The following ELMO1 variants were observed in gnomAD, a reference collection of about 807,000 sequenced individuals.
ELMO1 encodes the protein engulfment and cell motility 1.
In ELMO1, 26 loss-of-function variants were observed where a neutral mutation model predicts 98.9. The ratio of observed to expected loss-of-function variants is 0.26; its 90% CI spans 0.19 to 0.36. ELMO1 has a LOEUF of 0.36. ELMO1 is among the 10% of genes least tolerant of loss of function. The pLI is 1.00. For synonymous variants in ELMO1, 346 were observed against 346.0 expected (o/e 1.00, Z 0.00); for missense variants, 627 against 935.2 (o/e 0.67, Z 4.30).
At chr7:37,417,660 TCACACACACA>T (rs34297401) in intron 1 of ELMO1, among the ~76,000 whole-genome samples, 1 of 109,628 alleles carries the variant, frequency 9.1e-6, no homozygotes, top group Non-Finnish European at 2.2e-5. Context: ...TAAGACTCCG[TCACACACACA>T]CACACACACA....
At chr7:37,330,943 T>C (rs1038752204) in intron 2 of ELMO1, among the ~76,000 whole-genome samples, 8 of 152,168 alleles carry the variant, frequency 5.3e-5, no homozygotes, top group African/African-American at 1.9e-4. Flanking sequence ...AAATGGCTAC[T>C]AAGTGACTAA....
At chr7:37,157,173 A>G (rs982235515) in intron 13 of ELMO1, among the ~76,000 whole-genome samples, 3 of 152,200 alleles carry the variant, frequency 2.0e-5, no homozygotes, top group Admixed American at 6.5e-5. Flanking sequence ...TCTCAAAATA[A>G]TAAGAGCCAT....
chr7:37,041,966 A>G (rs144232448), intron 15 of ELMO1, among the ~76,000 whole-genome samples: 1 of 152,248 alleles, frequency 6.6e-6, no homozygotes, highest in African/African-American at 2.4e-5. Context: ...GTTTTAGTGT[A>G]TTCTTGACAG....
intron 14 of ELMO1, among the ~76,000 whole-genome samples, chr7:37,130,205 C>CCCA (rs1786815727): frequency 6.6e-6 from 1 of 152,110 alleles, no homozygotes; most frequent in Non-Finnish European, 1.5e-5. Flanking sequence ...CACCCCCCAC[C>CCCA]CCACCACCAC....
At chr7:37,344,287 C>T (rs1053020916) in intron 1 of ELMO1, among the ~76,000 whole-genome samples, 7 of 152,182 alleles carry the variant, frequency 4.6e-5, no homozygotes, top group Non-Finnish European at 7.3e-5. Flanking sequence ...CCTCCCCGGC[C>T]TCCTGAAGTG....
rs536397700 is a variant in ELMO1, at chr7:37,266,350, T to C, written c.243+5482A>G. 2.0e-5 allele frequency among the ~76,000 whole-genome samples: 3 copies of C among 152,308 alleles called. No homozygotes were observed. The South Asian group carries it at 6.2e-4, about 32-fold the overall frequency. On this transcript the variant is annotated intron_variant, in intron 5 of 21. Coordinates refer to ENST00000310758, the MANE Select transcript of ELMO1 (RefSeq NM_014800.11). ...GACTGAGATAATACTATTTTTCTTA[T>C]TGCCAGAGGGAATAAGACCCAAAAA...
intron 13 of ELMO1, among the ~76,000 whole-genome samples, chr7:37,181,020 T>G (rs751708604): frequency 1.3e-5 from 2 of 152,142 alleles, no homozygotes; most frequent in Admixed American, 6.5e-5. Context: ...AGATAGTGGG[T>G]GATTGTGCAA....
At chr7:37,028,703 C>A (rs1794717111) in intron 15 of ELMO1, among the ~76,000 whole-genome samples, 1 of 152,164 alleles carries the variant, frequency 6.6e-6, no homozygotes, top group African/African-American at 2.4e-5. Flanking sequence ...CCGCCTCAGC[C>A]TCCCAAGTAC....
At chr7:37,302,635 T>C (rs1273890384) in intron 4 of ELMO1, among the ~76,000 whole-genome samples, 1 of 152,104 alleles carries the variant, frequency 6.6e-6, no homozygotes, top group Non-Finnish European at 1.5e-5. Context: ...CAGCTATTCA[T>C]GTCTTCCCAG....
At chr7:37,384,903 C>T (rs1252078932) in intron 1 of ELMO1, among the ~76,000 whole-genome samples, 2 of 152,172 alleles carry the variant, frequency 1.3e-5, no homozygotes, top group Non-Finnish European at 2.9e-5. Context: ...CACACGAATT[C>T]GTTTGAGCTT....
intron 16 of ELMO1, among the ~76,000 whole-genome samples, chr7:37,007,284 T>G (rs1793206047): frequency 6.6e-6 from 1 of 152,162 alleles, no homozygotes; most frequent in South Asian, 2.1e-4. Flanking sequence ...ACTCAAATAT[T>G]CATGTTTCAA....
intron 4 of ELMO1, among the ~76,000 whole-genome samples, chr7:37,276,991 G>A (rs902631485): frequency 6.6e-6 from 1 of 152,154 alleles, no homozygotes; most frequent in African/African-American, 2.4e-5. Flanking sequence ...TCACCCCTAG[G>A]ATGTCACCTC....
chr7:36,871,572 T>C (rs1356001056), intron 19 of ELMO1, among the ~76,000 whole-genome samples: 2 of 152,220 alleles, frequency 1.3e-5, no homozygotes, highest in African/African-American at 4.8e-5. Context: ...ATTTGGGATG[T>C]GTGAGAATGC....
intron 13 of ELMO1, among the ~76,000 whole-genome samples, chr7:37,149,512 T>C (rs995336938): frequency 2.0e-4 from 30 of 152,348 alleles, no homozygotes; most frequent in Non-Finnish European, 3.4e-4. Context: ...AAATCTGTGA[T>C]GTGAAAATGA....
chr7:37,293,581 C>T (rs566502619), intron 4 of ELMO1, among the ~76,000 whole-genome samples: 7,027 of 110,566 alleles, frequency 0.064, 265 homozygotes, highest in South Asian at 0.13. Flanking sequence ...ACAAACACTG[C>T]GGAAGGCCGC....
In ELMO1 at chr7:37,398,225, A is replaced by C. The variant is rs553315471; in HGVS notation, c.-74+50450T>G. On this transcript the variant is annotated intron_variant, in intron 1 of 21. Coordinates refer to ENST00000310758, the MANE Select transcript of ELMO1 (RefSeq NM_014800.11). ...ACATTTCATTATGACTGTTGTGAGA[A>C]TTAAAAGAGCTCACAGAGCTCTAGC... Among the ~76,000 whole-genome samples, 3 of 152,344 alleles carry C rather than the reference A, an allele frequency of 2.0e-5. No individual in the cohort carries two copies. In the South Asian group the frequency reaches 6.2e-4, roughly 32 times the overall value.
chr7:36,885,482 T>G (rs1203237539), intron 18 of ELMO1, among the ~76,000 whole-genome samples: 2 of 152,208 alleles, frequency 1.3e-5, no homozygotes, highest in African/African-American at 4.8e-5. Flanking sequence ...GGAGCTAGGT[T>G]GTGAGGGACT....
At chr7:37,416,332 C>T (rs765349583) in intron 1 of ELMO1, among the ~76,000 whole-genome samples, 29 of 152,200 alleles carry the variant, frequency 1.9e-4, no homozygotes, top group Non-Finnish European at 4.1e-4. Flanking sequence ...ATTTTATATA[C>T]ACATATATTT....
intron 1 of ELMO1, among the ~76,000 whole-genome samples, chr7:37,395,747 G>T (rs1363973473): frequency 2.6e-5 from 4 of 151,916 alleles, no homozygotes; most frequent in Admixed American, 2.0e-4. Flanking sequence ...AAGCACCTCT[G>T]TTACTTCTTA....
Sources: allele counts gnomAD v4.1 joint callset (sites outside exome capture counted in the v4.1 genomes callset), GRCh38; gene constraint gnomAD v4.1.1; transcripts MANE v1.5; gene names NCBI Gene and HGNC (gene_info 2026-07-23, HGNC 2026-07-21).